ABCC2: variants seen among roughly 807,000 people sequenced by gnomAD.
The protein encoded by ABCC2 is ATP binding cassette subfamily C member 2, also known as ATP-binding cassette sub-family C member 2.
A neutral mutation model predicts 173.4 loss-of-function variants in ABCC2; 157 were observed. The ratio of observed to expected loss-of-function variants is 0.91; its 90% CI spans 0.80 to 1.03. ABCC2 has a LOEUF of 1.03. ABCC2 is among the 50% of genes least tolerant of loss of function. ABCC2 has a pLI of 0.00. For missense variants in ABCC2, 1,822 were observed against 1,852.3 expected, an observed-to-expected ratio of 0.98 and a Z score of 0.30; for synonymous variants, 657 against 693.5, an observed-to-expected ratio of 0.95 and a Z score of 0.83.
At position 99,806,085 on chromosome 10, in the gene ABCC2, G is replaced by C. The variant is rs1055932179; in HGVS notation, c.1530+638G>C. Among the ~76,000 whole-genome samples the C allele has an allele frequency of 2.5e-3, 371 of 147,524 alleles. 1 individual carries two copies. The highest frequency in any genetic ancestry group is 8.9e-3 in the African/African-American group (347 of 38,840). On this transcript the variant is annotated intron_variant, in intron 11 of 31. Coordinates refer to ENST00000647814, the MANE Select transcript of ABCC2 (RefSeq NM_000392.5). ...AGTCTCTCTCTCTCTGTCTGTGTGT[G>C]TGTGTGTGTGTGTGTGTGTGTGTGT...
At chr10:99,811,927 G>C (rs539807639) in intron 15 of ABCC2, among the ~76,000 whole-genome samples, 6 of 152,128 alleles carry the variant, frequency 3.9e-5, no homozygotes, top group Non-Finnish European at 7.4e-5. Flanking sequence ...GGGTATGGTA[G>C]AAGACAAACC....
rs931743705 is a variant in ABCC2 at position 99,831,966 on chromosome 10, T to C, written c.3104-11T>C. 6.2e-7 allele frequency: 1 copy of C among 1,614,104 alleles called. No homozygotes were observed. Among genetic ancestry groups the C allele is most frequent in the African/African-American group, 1.3e-5 (1 of 74,946 alleles). On this transcript the variant is annotated splice_polypyrimidine_tract_variant and intron_variant, in intron 22 of 31. Coordinates refer to ENST00000647814, the MANE Select transcript of ABCC2 (RefSeq NM_000392.5). ...TGTGCATGGTGCTGACAAAACTGCTTCCATCTCTAGGTATATTTGTGTTCA... is the reference window on the plus strand; with the variant it reads ...TGTGCATGGTGCTGACAAAACTGCTCCCATCTCTAGGTATATTTGTGTTCA...
intron 16 of ABCC2, among the ~76,000 whole-genome samples, chr10:99,815,775 C>T (rs2038397337): frequency 6.6e-6 from 1 of 152,064 alleles, no homozygotes; most frequent in Non-Finnish European, 1.5e-5. Context: ...GCTGTTCTAC[C>T]ATATACTGAC....
At chr10:99,799,070 G>A in intron 7 of ABCC2, 137 bp from the exon 8 acceptor site, 1 of 892,334 alleles carries the variant, frequency 1.1e-6, no homozygotes, top group Admixed American at 2.1e-5. Flanking sequence ...TAGAAGGGCA[G>A]AAGCAACTAG....
intron 11 of ABCC2, among the ~76,000 whole-genome samples, 158 bp downstream of exon 11, chr10:99,805,605 C>T (rs367556003): frequency 1.8e-4 from 28 of 152,182 alleles, no homozygotes; most frequent in East Asian, 1.7e-3. Context: ...TCAGGTCCTC[C>T]GTTGAACCCC....
intron 30 of ABCC2, among the ~76,000 whole-genome samples, chr10:99,850,209 C>G (rs2039069331): frequency 6.6e-6 from 1 of 152,180 alleles, no homozygotes; most frequent in Non-Finnish European, 1.5e-5. Flanking sequence ...TGGTGACACT[C>G]ATGTTGTTTT....
In ABCC2 at chr10:99,818,096, G is replaced by A. The variant is rs973864083; in HGVS notation, c.2271+612G>A. Among the ~76,000 whole-genome samples, 9 of 152,150 alleles carry A rather than the reference G, an allele frequency of 5.9e-5. No individual in the cohort carries two copies. The South Asian group carries it at 6.2e-4, about 11-fold the overall frequency. ...AAATTAGCCGGGTGTGGTAGCAGGC[G>A]CCTGTAGTCCCAGCTACTCGGGAGG... On this transcript the variant is annotated intron_variant, in intron 17 of 31. Transcript: ENST00000647814.
Position 99,851,568 on chromosome 10 carries a change from T to G in ABCC2, c.4575T>G (p.Pro1525=), listed in dbSNP as rs770879948. ...CGSPEELLQI[P]GPFYFMAKEA... ...GCCCTGAAGAACTGCTACAAATCCCTGGACCCTTTTACTTTATGGCTAAGG... is the reference window on the plus strand; with the variant it reads ...GCCCTGAAGAACTGCTACAAATCCCGGGACCCTTTTACTTTATGGCTAAGG... Residue 1525 remains proline (P), a synonymous_variant, in exon 32 of 32, where the codon CCT becomes CCG. Coordinates refer to ENST00000647814, the MANE Select transcript of ABCC2 (RefSeq NM_000392.5). 1 of 1,614,184 alleles carries G rather than the reference T, an allele frequency of 6.2e-7. No individual in the cohort carries two copies. Among genetic ancestry groups the G allele is most frequent in the South Asian group, 1.1e-5 (1 of 91,086 alleles).
chr10:99,792,406 A>T, intron 3 of ABCC2, 47 bp downstream of exon 3: 3 of 1,605,612 alleles, frequency 1.9e-6, no homozygotes, highest in Non-Finnish European at 2.6e-6. Context: ...CATTACCCAT[A>T]GGCATCTAGG....
At position 99,850,726 on chromosome 10, in the gene ABCC2, C is replaced by T. The variant is rs1366525701; in HGVS notation, c.4438C>T (p.Gln1480Ter). Residue 1480 changes from glutamine (Q) to a stop codon, truncating the protein, a stop_gained, in exon 31 of 32, where the codon CAA becomes TAA. Coordinates refer to ENST00000647814, the MANE Select transcript of ABCC2 (RefSeq NM_000392.5). LOFTEE classifies it high-confidence loss of function. ...AGACAACCTCATTCAGACGACCATC[C>T]AAAACGAGTTCGCCCACTGCACAGT... ...ETDNLIQTTIQNEFAHCTVIT... is the reference protein window; with the variant it reads ...ETDNLIQTTI 1.9e-6 allele frequency: 3 copies of T among 1,614,080 alleles called. No individual in the cohort carries two copies. The highest frequency in any genetic ancestry group is 2.5e-6 in the Non-Finnish European group (3 of 1,180,044).
In ABCC2 at chr10:99,843,897, T is replaced by G. The variant is rs753952091; in HGVS notation, c.3840T>G (p.Asn1280Lys). ...ERITEYTKVE[N>K]EAPWVTDKRP... Reference sequence around the variant, plus strand: ...TAACTGAGTACACAAAAGTGGAAAATGAGGTAAGGAGGAACTGGAAAAATC... The same window carrying G: ...TAACTGAGTACACAAAAGTGGAAAAGGAGGTAAGGAGGAACTGGAAAAATC... Residue 1280 changes from asparagine (N) to lysine (K), a missense_variant, in exon 27 of 32, where the codon AAT becomes AAG. Coordinates refer to ENST00000647814, the MANE Select transcript of ABCC2 (RefSeq NM_000392.5). The G allele has an allele frequency of 6.2e-7, 1 of 1,613,106 alleles. No individual in the cohort carries two copies. Among genetic ancestry groups the G allele is most frequent in the African/African-American group, 1.3e-5 (1 of 74,852 alleles).
chr10:99,806,565 A>G (rs559408456), intron 11 of ABCC2, among the ~76,000 whole-genome samples: 3 of 152,314 alleles, frequency 2.0e-5, no homozygotes, highest in Admixed American at 1.3e-4. Flanking sequence ...TAGGTCTGTT[A>G]TTTCATTAGG....
chr10:99,787,155 C>CA (rs71305558), intron 2 of ABCC2, among the ~76,000 whole-genome samples: 77,128 of 143,908 alleles, frequency 0.54, 20,542 homozygotes, highest in East Asian at 0.77. Flanking sequence ...GACTCTGTCT[C>CA]AAAAAAAAAA....
intron 14 of ABCC2, 37 bp downstream of exon 14, chr10:99,810,255 G>T: frequency 1.3e-6 from 2 of 1,547,666 alleles, no homozygotes; most frequent in African/African-American, 1.4e-5. Context: ...AAACTTATTC[G>T]CAGTACTGGT....
intron 2 of ABCC2, among the ~76,000 whole-genome samples, chr10:99,790,857 C>G (rs759708426): frequency 2.1e-4 from 32 of 152,108 alleles, no homozygotes; most frequent in Non-Finnish European, 2.5e-4. Context: ...ACAAAGGGCC[C>G]ATTATCTCTG....
intron 15 of ABCC2, among the ~76,000 whole-genome samples, chr10:99,811,965 T>C (rs1420332594): frequency 2.0e-5 from 3 of 152,198 alleles, no homozygotes; most frequent in African/African-American, 7.2e-5. Flanking sequence ...TATAAGTTCA[T>C]TCATTCAAGA....
chr10:99,844,322 G>A lies in ABCC2; in HGVS notation c.3844G>A (p.Ala1282Thr). The A allele has an allele frequency of 6.2e-7, 1 of 1,614,122 alleles. No homozygotes were observed. ...ITEYTKVENE[A>T]PWVTDKRPPP... ...ACTTCTCATCTTGTCTCCTTGCCAG[G>A]CACCCTGGGTGACTGATAAGAGGCC... Residue 1282 changes from alanine (A) to threonine (T), a missense_variant and splice_region_variant, in exon 28 of 32, where the codon GCA becomes ACA. Physicochemically the swap from Ala to Thr is moderately conservative, Grantham distance 58 (BLOSUM62 0). Coordinates refer to ENST00000647814, the MANE Select transcript of ABCC2 (RefSeq NM_000392.5).
intron 2 of ABCC2, among the ~76,000 whole-genome samples, chr10:99,785,087 G>A (rs1252855084): frequency 6.6e-6 from 1 of 152,192 alleles, no homozygotes; most frequent in Admixed American, 6.5e-5. Context: ...TGGATCACCT[G>A]TCTTTAAACA....
At chr10:99,819,707 A>C (rs1426163286) in intron 19 of ABCC2, among the ~76,000 whole-genome samples, 1 of 152,252 alleles carries the variant, frequency 6.6e-6, no homozygotes, top group East Asian at 1.9e-4. Context: ...GTACTGCTAA[A>C]TTCTTGGTAG....
Sources: gnomAD v4.1 joint callset for allele counts (sites outside exome capture counted in the v4.1 genomes callset) on GRCh38, gnomAD v4.1.1 for gene constraint, MANE v1.5 for transcripts, NCBI Gene and HGNC (gene_info 2026-07-23, HGNC 2026-07-21) for gene names.